ZNF555: variants seen among roughly 807,000 people sequenced by gnomAD.
ZNF555 encodes zinc finger protein 555.
ZNF555 carries 10 observed loss-of-function variants against 14.0 expected under a neutral mutation model. The ratio of observed to expected loss-of-function variants is 0.72; its 90% CI spans 0.44 to 1.21. The LOEUF (loss-of-function observed/expected upper bound fraction) is 1.21. Ranked by LOEUF, ZNF555 falls within the 50% of genes most tolerant of loss-of-function variation. ZNF555 has a pLI of 0.00. For synonymous variants in ZNF555, 277 were observed against 262.4 expected (o/e 1.06, Z -0.54); for missense variants, 747 against 762.0 (o/e 0.98, Z 0.23).
intron 1 of ZNF555, among the ~76,000 whole-genome samples, chr19:2,846,052 G>A (rs2317034): frequency 0.43 from 65,152 of 152,074 alleles, 14,157 homozygotes; most frequent in South Asian, 0.57. Context: ...GGCTCCCAGT[G>A]TGACCTCCCA....
In ZNF555 at chr19:2,854,058, T is replaced by G. The variant is rs1404256283; in HGVS notation, c.*106T>G. ...TCCAAATACTCTCAGCTATCCTACA[T>G]GAATTTGAACAGGTAGTTTCTTACG... On this transcript the variant is annotated 3_prime_UTR_variant, in exon 4 of 4. Coordinates refer to ENST00000334241, the MANE Select transcript of ZNF555 (RefSeq NM_152791.5). The G allele has an allele frequency of 7.1e-7, 1 of 1,405,020 alleles. No individual in the cohort carries two copies. The highest frequency in any genetic ancestry group is 9.6e-7 in the Non-Finnish European group (1 of 1,037,364). 87.0% of individuals were successfully genotyped at this position (1,405,020 alleles called of 1,614,324 possible).
At chr19:2,846,267 G>C (rs923661186) in intron 1 of ZNF555, among the ~76,000 whole-genome samples, 1 of 152,200 alleles carries the variant, frequency 6.6e-6, no homozygotes, top group Non-Finnish European at 1.5e-5. Flanking sequence ...GCTGTCTCAG[G>C]GTTGTCGGAT....
chr19:2,852,093 A>T (rs1158643033), intron 3 of ZNF555, among the ~76,000 whole-genome samples: 1 of 151,982 alleles, frequency 6.6e-6, no homozygotes, highest in African/African-American at 2.4e-5. Flanking sequence ...GGTTGCAGTG[A>T]GCTAAGACTG....
At chr19:2,849,870 GC>G (rs1231861051) in intron 1 of ZNF555, among the ~76,000 whole-genome samples, 1 of 152,138 alleles carries the variant, frequency 6.6e-6, no homozygotes, top group Non-Finnish European at 1.5e-5. Context: ...TAGTGAGTGT[GC>G]CTGTGTGTAC....
At chr19:2,849,364 G>A (rs952470449) in intron 1 of ZNF555, among the ~76,000 whole-genome samples, 1 of 151,936 alleles carries the variant, frequency 6.6e-6, no homozygotes, top group Non-Finnish European at 1.5e-5. Context: ...TTCTAGGAAG[G>A]CACTATTTTG....
Position 2,859,434 on chromosome 19 carries a change from A to T in ZNF555, c.*5482A>T, listed in dbSNP as rs1330429339. The T allele has an allele frequency of 6.6e-6, 1 of 152,126 alleles. No homozygotes were observed. The highest frequency in any genetic ancestry group is 1.5e-5 in the Non-Finnish European group (1 of 68,038). The allele number at this position is 152,126 out of a possible 1,614,324, so 9.4% of individuals were successfully genotyped here. ...ACACGACAGACGGGGAAGGACCCTGATGGTCCGAGGGACCTTCCACAGCAA... is the reference window on the plus strand; with the variant it reads ...ACACGACAGACGGGGAAGGACCCTGTTGGTCCGAGGGACCTTCCACAGCAA... On this transcript the variant is annotated 3_prime_UTR_variant, in exon 4 of 4. Coordinates refer to ENST00000334241, the MANE Select transcript of ZNF555 (RefSeq NM_152791.5).
Position 2,853,839 on chromosome 19 carries a change from T to C in ZNF555, c.1774T>C (p.Tyr592His). 1 of 1,613,970 alleles carries C rather than the reference T, an allele frequency of 6.2e-7. No homozygotes were observed. The highest frequency in any genetic ancestry group is 1.1e-5 in the South Asian group (1 of 91,074). ...GAGAATACACACTACAGAAAAACAG[T>C]ATAAGTGTAATGTAGGACATCCTCC... ...HVRIHTTEKQ[Y>H]KCNVGHPPAN... is the part of the protein sequence containing the mutation. The change falls in exon 4 of 4, where the codon TAT becomes CAT. Residue 592 changes from tyrosine (Y) to histidine (H), a missense_variant. Physicochemically the swap from Tyr to His is moderately conservative, Grantham distance 83 (BLOSUM62 2). Transcript: ENST00000334241.
In ZNF555 at chr19:2,842,024, C is replaced by A. The variant is rs2087541297; in HGVS notation, c.3+449C>A. Among the ~76,000 whole-genome samples the A allele has an allele frequency of 2.0e-5, 3 of 152,000 alleles. No homozygotes were observed. The South Asian group carries it at 6.2e-4, about 31-fold the overall frequency. ...CCGCCCTGGGGCCGACGCCGCGGTG[C>A]CTCCTGGGGTGCGGGTCCCTGGTCG... On this transcript the variant is annotated intron_variant, in intron 1 of 3. Transcript: ENST00000334241.
At position 2,854,597 on chromosome 19, in the gene ZNF555, GAAGT is replaced by G. The variant is rs2087668240; in HGVS notation, c.*650_*653del. 1.3e-5 allele frequency: 2 copies of G among 153,124 alleles called. No individual in the cohort carries two copies. Among genetic ancestry groups the G allele is most frequent in the African/African-American group, 2.4e-5 (1 of 41,456 alleles). The allele number at this position is 153,124 out of a possible 1,614,324, so 9.5% of individuals were successfully genotyped here. A position where few individuals can be genotyped will look rare whatever the true frequency, so the allele number is the denominator to read the frequency against. The stretch of plus-strand genomic sequence containing the variant: ...CTTGAATGAAATTTAGAATGAAGAA[GAAGT>G]AAGTCATCGCTGAGCTTTTGGGGTC... On this transcript the variant is annotated 3_prime_UTR_variant, in exon 4 of 4. Coordinates refer to ENST00000334241, the MANE Select transcript of ZNF555 (RefSeq NM_152791.5).
In ZNF555 at chr19:2,859,362, C is replaced by T. The variant is rs1475893850; in HGVS notation, c.*5410C>T. On this transcript the variant is annotated 3_prime_UTR_variant, in exon 4 of 4. Transcript: ENST00000334241. ...GCGTGGCTGTGGCAGGTAGACAGCCCGTGCTCCAGAGGCCTTCATCTTGTG... is the reference window on the plus strand; with the variant it reads ...GCGTGGCTGTGGCAGGTAGACAGCCTGTGCTCCAGAGGCCTTCATCTTGTG... 4.6e-5 allele frequency: 7 copies of T among 152,160 alleles called. No homozygotes were observed. The highest frequency in any genetic ancestry group is 4.6e-4 in the Admixed American group (7 of 15,258). 9.4% of individuals were successfully genotyped at this position (152,160 alleles called of 1,614,324 possible).
At chr19:2,849,835 G>A (rs944771539) in intron 1 of ZNF555, among the ~76,000 whole-genome samples, 1 of 152,074 alleles carries the variant, frequency 6.6e-6, no homozygotes, top group African/African-American at 2.4e-5. Flanking sequence ...TTTTGGCATT[G>A]TGTGCACCTC....
intron 1 of ZNF555, among the ~76,000 whole-genome samples, chr19:2,845,472 T>C (rs1422883071): frequency 6.6e-6 from 1 of 152,204 alleles, no homozygotes; most frequent in Non-Finnish European, 1.5e-5. Flanking sequence ...TTTGGGTAGA[T>C]GCCCAGTAGT....
chr19:2,844,672 G>A (rs1003863565), intron 1 of ZNF555, among the ~76,000 whole-genome samples: 1 of 152,226 alleles, frequency 6.6e-6, no homozygotes, highest in African/African-American at 2.4e-5. Flanking sequence ...AGCACAATAA[G>A]CAACTCCTCT....
At chr19:2,850,877 G>A (rs1318946579) in intron 2 of ZNF555, among the ~76,000 whole-genome samples, 164 bp downstream of exon 2, 1 of 152,184 alleles carries the variant, frequency 6.6e-6, no homozygotes, top group Non-Finnish European at 1.5e-5. Flanking sequence ...GTTTTTCCAT[G>A]AGAATGAGAA....
At chr19:2,848,212 C>T (rs916136645) in intron 1 of ZNF555, among the ~76,000 whole-genome samples, 2 of 150,910 alleles carry the variant, frequency 1.3e-5, no homozygotes, top group African/African-American at 4.9e-5. Flanking sequence ...AGTGCAGTGG[C>T]GCCATCTCTG....
At chr19:2,850,543 C>T in intron 1 of ZNF555, 44 bp from the exon 2 acceptor site, 2 of 1,603,194 alleles carry the variant, frequency 1.2e-6, no homozygotes, top group Non-Finnish European at 1.7e-6. Flanking sequence ...CTCCTGGGCT[C>T]TCGGTCTCAA....
At chr19:2,851,357 A>T in intron 2 of ZNF555, 111 bp from the exon 3 acceptor site, 1 of 814,782 alleles carries the variant, frequency 1.2e-6, no homozygotes, top group South Asian at 2.1e-5. Flanking sequence ...TGAGTTGCTT[A>T]CCTTTTTGAC....
At chr19:2,851,079 A>G (rs962256238) in intron 2 of ZNF555, among the ~76,000 whole-genome samples, 2 of 150,748 alleles carry the variant, frequency 1.3e-5, no homozygotes, top group Non-Finnish European at 2.9e-5. Flanking sequence ...ACTCACTGCA[A>G]CCTCTGCCTC....
At chr19:2,852,260 C>A in intron 3 of ZNF555, 120 bp from the exon 4 acceptor site, 2 of 1,185,482 alleles carry the variant, frequency 1.7e-6, no homozygotes, top group Non-Finnish European at 2.4e-6. Context: ...CATTTTCAGA[C>A]AGTTCCCATG....
Sources: allele counts gnomAD v4.1 joint callset (sites outside exome capture counted in the v4.1 genomes callset), GRCh38; gene constraint gnomAD v4.1.1; transcripts MANE v1.5; gene names NCBI Gene and HGNC (gene_info 2026-07-23, HGNC 2026-07-21).